The following APIP variants were observed in gnomAD, a reference collection of about 807,000 sequenced individuals.
The protein encoded by APIP is methylthioribulose-1-phosphate dehydratase.
Under a neutral mutation model 32.0 loss-of-function variants are expected in APIP, and 32 were observed. The observed-to-expected ratio is 1.00, with a 90% CI of 0.76 to 1.34. The LOEUF (loss-of-function observed/expected upper bound fraction) is 1.34. Among genes scored for constraint, APIP ranks in the 40% most tolerant of loss-of-function variants. APIP has a pLI of 0.00. For missense variants in APIP, 247 were observed against 298.6 expected (o/e 0.83, Z 1.27); for synonymous variants, 92 against 94.8 (o/e 0.97, Z 0.17).
chr11:34,907,079 G>C (rs12273271), intron 1 of APIP, among the ~76,000 whole-genome samples: 28,745 of 152,042 alleles, frequency 0.19, 3,884 homozygotes, highest in African/African-American at 0.39. Flanking sequence ...GAAGTAGCCA[G>C]AAAGAGTTCT....
At chr11:34,883,272 A>G in intron 6 of APIP, 65 bp downstream of exon 6, 2 of 1,465,630 alleles carry the variant, frequency 1.4e-6, no homozygotes, top group African/African-American at 1.4e-5. Context: ...CAACTGACAT[A>G]CTTTGTTTTC....
At chr11:34,916,083 T>C in intron 1 of APIP, 145 bp downstream of exon 1, 2 of 1,088,080 alleles carry the variant, frequency 1.8e-6, no homozygotes, top group Non-Finnish European at 2.6e-6. Flanking sequence ...AAGGTCGCGG[T>C]GCGCCGGGGT....
intron 5 of APIP, among the ~76,000 whole-genome samples, chr11:34,885,014 A>G (rs1853039155): frequency 6.6e-6 from 1 of 151,320 alleles, no homozygotes; most frequent in Non-Finnish European, 1.5e-5. Flanking sequence ...TGTACCATAG[A>G]GACATTGCTT....
intron 1 of APIP, among the ~76,000 whole-genome samples, chr11:34,896,486 A>G (rs1853273490): frequency 6.6e-6 from 1 of 152,152 alleles, no homozygotes; most frequent in Non-Finnish European, 1.5e-5. Flanking sequence ...AAAACCAAAC[A>G]CTGCATGTTC....
rs1163649131 is a variant in APIP, at chr11:34,916,373, T to C, written c.-89A>G. 6.4e-7 allele frequency: 1 copy of C among 1,564,940 alleles called. No individual in the cohort carries two copies. The highest frequency in any genetic ancestry group is 8.7e-7 in the Non-Finnish European group (1 of 1,155,078). On this transcript the variant is annotated 5_prime_UTR_variant, in exon 1 of 7. Coordinates refer to ENST00000395787, the MANE Select transcript of APIP (RefSeq NM_015957.4). ...TGGGATACGGCAGCGAGGCCGCAAA[T>C]GCAATCAGGCGGCGCTGAGGGCAGC...
chr11:34,914,230 T>C (rs1565142182), intron 1 of APIP, among the ~76,000 whole-genome samples: 1 of 152,224 alleles, frequency 6.6e-6, no homozygotes, highest in Non-Finnish European at 1.5e-5. Flanking sequence ...ACCATCTTTG[T>C]CTCTTTGCTA....
chr11:34,891,532 A>G (rs1452327617), intron 2 of APIP, among the ~76,000 whole-genome samples: 1 of 152,164 alleles, frequency 6.6e-6, no homozygotes, highest in Non-Finnish European at 1.5e-5. Flanking sequence ...AACATTTCAT[A>G]GTGTAAATGA....
chr11:34,886,835 T>G (rs569773454), intron 5 of APIP, among the ~76,000 whole-genome samples: 2 of 152,216 alleles, frequency 1.3e-5, no homozygotes, highest in Non-Finnish European at 2.9e-5. Context: ...ACCCTGGGTG[T>G]GCAGTAGGCT....
intron 1 of APIP, among the ~76,000 whole-genome samples, chr11:34,896,216 GA>G (rs1371546699): frequency 6.6e-6 from 1 of 152,202 alleles, no homozygotes; most frequent in Non-Finnish European, 1.5e-5. Flanking sequence ...TCTAGAACCA[GA>G]AATACCATTT....
Position 34,908,634 on chromosome 11 carries a change from GAT to G in APIP, c.57+7592_57+7593del, listed in dbSNP as rs1368575996. Among the ~76,000 whole-genome samples the G allele has an allele frequency of 5.9e-5, 9 of 152,360 alleles. No individual in the cohort carries two copies. The East Asian group carries it at 1.7e-3, about 29-fold the overall frequency. On this transcript the variant is annotated intron_variant, in intron 1 of 6. Transcript: ENST00000395787. ...GCTGTGTGCCCTAAGGCAAGTCAGT[GAT>G]ACTTTCTGGGCATCAGTCTCCTTCT...
intron 5 of APIP, among the ~76,000 whole-genome samples, chr11:34,884,723 C>CAAA (rs3044736): frequency 1.1e-3 from 149 of 137,472 alleles, no homozygotes; most frequent in African/African-American, 2.8e-3. Flanking sequence ...GACTTAGTCT[C>CAAA]AAAAAAAAAA....
chr11:34,888,698 T>C (rs1853128058), intron 4 of APIP, 54 bp downstream of exon 4: 2 of 1,345,752 alleles, frequency 1.5e-6, no homozygotes, highest in Admixed American at 2.5e-5. Context: ...TTACCATTAT[T>C]TAGAGGAGCC....
intron 1 of APIP, among the ~76,000 whole-genome samples, chr11:34,900,174 C>G (rs1853351590): frequency 1.3e-5 from 2 of 152,192 alleles, no homozygotes; most frequent in Non-Finnish European, 2.9e-5. Flanking sequence ...TTTCTTTGCC[C>G]TGTGAAACCC....
intron 1 of APIP, among the ~76,000 whole-genome samples, chr11:34,906,418 A>C (rs1853457311): frequency 6.6e-6 from 1 of 152,338 alleles, no homozygotes; most frequent in Non-Finnish European, 1.5e-5. Context: ...GAGGGCATGC[A>C]CATGACAATC....
At chr11:34,886,640 G>A (rs540795229) in intron 5 of APIP, among the ~76,000 whole-genome samples, 3 of 152,094 alleles carry the variant, frequency 2.0e-5, no homozygotes, top group East Asian at 3.9e-4. Flanking sequence ...TGCAAGCTCC[G>A]TTCATGGTCA....
chr11:34,891,102 C>T lies in APIP; in HGVS notation c.159-550G>A, dbSNP rs541399992. ...ACTTTTTGGATAGAATCACATGCTT[C>T]CCATTTGAAAAGCATACATATCTTG... On this transcript the variant is annotated intron_variant, in intron 2 of 6. Coordinates refer to ENST00000395787, the MANE Select transcript of APIP (RefSeq NM_015957.4). Among the ~76,000 whole-genome samples the T allele has an allele frequency of 2.6e-5, 4 of 152,194 alleles. No homozygotes were observed. The East Asian group carries it at 7.7e-4, about 29-fold the overall frequency.
At chr11:34,914,919 G>A (rs981346927) in intron 1 of APIP, among the ~76,000 whole-genome samples, 1 of 147,688 alleles carries the variant, frequency 6.8e-6, no homozygotes, top group African/African-American at 2.5e-5. Context: ...CAGGAAAATC[G>A]CTTGAACCAA....
At chr11:34,886,437 TA>T (rs529730563) in intron 5 of APIP, among the ~76,000 whole-genome samples, 103 of 146,090 alleles carry the variant, frequency 7.1e-4, no homozygotes, top group Non-Finnish European at 7.1e-4. Flanking sequence ...GTCCAAAAGT[TA>T]AAAAAAAAAA....
At chr11:34,885,469 G>A (rs1853051290) in intron 5 of APIP, among the ~76,000 whole-genome samples, 1 of 152,012 alleles carries the variant, frequency 6.6e-6, no homozygotes, top group Non-Finnish European at 1.5e-5. Flanking sequence ...AAGAGAGTAC[G>A]TTTGGAAGAA....
Sources: gnomAD v4.1 joint callset for allele counts (sites outside exome capture counted in the v4.1 genomes callset) on GRCh38, gnomAD v4.1.1 for gene constraint, MANE v1.5 for transcripts, NCBI Gene and HGNC (gene_info 2026-07-23, HGNC 2026-07-21) for gene names.